Variants in LOXL4 observed in about 807,000 individuals in gnomAD.
LOXL4 encodes the protein lysyl oxidase homolog 4.
Under a neutral mutation model 89.1 loss-of-function variants are expected in LOXL4, and 72 were observed. That is an observed-to-expected ratio of 0.81 (90% CI 0.67 to 0.98). LOXL4 has a LOEUF of 0.98. Among genes scored for constraint, LOXL4 ranks in the 50% least tolerant of loss-of-function variants. The pLI, the probability that LOXL4 is intolerant of heterozygous loss-of-function variation, is 0.00. For missense variants in LOXL4, 984 were observed against 1,017.5 expected, an observed-to-expected ratio of 0.97 and a Z score of 0.45; for synonymous variants, 355 against 392.1, an observed-to-expected ratio of 0.91 and a Z score of 1.12.
chr10:98,249,065 C>A, intron 14 of LOXL4, 74 bp from the exon 15 acceptor site: 2 of 1,126,850 alleles, frequency 1.8e-6, no homozygotes, highest in Non-Finnish European at 1.3e-6. Context: ...TTACATAGAT[C>A]CACTCTGCCC....
chr10:98,255,881 A>C, intron 9 of LOXL4, 142 bp from the exon 10 acceptor site: 1 of 916,584 alleles, frequency 1.1e-6, no homozygotes. Context: ...TGAGAACCCG[A>C]ATTCCCTGGG....
rs754196253 is a variant in LOXL4 at position 98,262,932 on chromosome 10, T to C, written c.88A>G (p.Thr30Ala). 2 of 1,613,676 alleles carry C rather than the reference T, an allele frequency of 1.2e-6. No individual in the cohort carries two copies. Among genetic ancestry groups the C allele is most frequent in the East Asian group, 2.2e-5 (1 of 44,864 alleles). Reference protein sequence around the residue: ...PPSRPQSLGTTKLRLVGPESK... With the variant: ...PPSRPQSLGTAKLRLVGPESK... ...TCTGGGCCCACCAGCCGGAGCTTAG[T>C]GGTGCCCAGTGACTGTGGCCTGCTG... Residue 30 changes from threonine to alanine, a missense_variant, in exon 2 of 15, where the codon ACT becomes GCT. Thr to Ala is a moderately conservative substitution (Grantham distance 58). Coordinates refer to ENST00000260702, the MANE Select transcript of LOXL4 (RefSeq NM_032211.7).
At chr10:98,249,054 C>G in intron 14 of LOXL4, 63 bp from the exon 15 acceptor site, 1 of 1,292,736 alleles carries the variant, frequency 7.7e-7, no homozygotes, top group East Asian at 2.3e-5. Flanking sequence ...TCCCTGACAA[C>G]TTACATAGAT....
chr10:98,264,919 G>C (rs185372925), intron 1 of LOXL4, among the ~76,000 whole-genome samples: 64 of 152,350 alleles, frequency 4.2e-4, no homozygotes, highest in Non-Finnish European at 8.4e-4. Context: ...GGCTCTCACA[G>C]GCCCCTGCCA....
chr10:98,257,655 T>C lies in LOXL4; in HGVS notation c.1255A>G (p.Asn419Asp). The C allele has an allele frequency of 6.2e-7, 1 of 1,613,310 alleles. No homozygotes were observed. The highest frequency in any genetic ancestry group is 8.5e-7 in the Non-Finnish European group (1 of 1,179,626). The change falls in exon 8 of 15, where the codon AAT becomes GAT. Residue 419 changes from asparagine (N) to aspartate (D), a missense_variant. Asn to Asp is a conservative substitution (Grantham distance 23). Transcript: ENST00000260702. Reference protein sequence around the residue: ...RCNVPNMGFQNQVRLAGGRIP... With the variant: ...RCNVPNMGFQDQVRLAGGRIP... Reference sequence around the variant, plus strand: ...ATGCTCAGACCCAAACTCACCTGATTCTGAAAGCCCATGTTAGGGACATTG... The same window carrying C: ...ATGCTCAGACCCAAACTCACCTGATCCTGAAAGCCCATGTTAGGGACATTG...
intron 1 of LOXL4, among the ~76,000 whole-genome samples, chr10:98,263,713 C>G (rs1351898190): frequency 6.6e-6 from 1 of 150,508 alleles, no homozygotes; most frequent in South Asian, 2.1e-4. Flanking sequence ...CTCTTTCTTT[C>G]TTTTTTCTTT....
At position 98,253,581 on chromosome 10, in the gene LOXL4, C is replaced by G; in HGVS notation, c.1807G>C (p.Asp603His). Reference sequence around the variant, plus strand: ...TGGCACTGGTGCCAAACCCAGCTATCGCGTCCAGTCTTTGGACGAAAGTCA... The same window carrying G: ...TGGCACTGGTGCCAAACCCAGCTATGGCGTCCAGTCTTTGGACGAAAGTCA... Reference protein sequence around the residue: ...RTDFRPKTGRDSWVWHQCHRH... With the variant: ...RTDFRPKTGRHSWVWHQCHRH... Residue 603 changes from aspartate (D) to histidine (H), a missense_variant, in exon 11 of 15, where the codon GAT becomes CAT. Asp to His is a moderately conservative substitution (Grantham distance 81). Transcript: ENST00000260702. The G allele has an allele frequency of 6.2e-7, 1 of 1,614,266 alleles. No individual in the cohort carries two copies. Among genetic ancestry groups the G allele is most frequent in the African/African-American group, 1.3e-5 (1 of 75,082 alleles).
intron 11 of LOXL4, among the ~76,000 whole-genome samples, chr10:98,253,181 G>T (rs1024499594): frequency 9.2e-5 from 14 of 152,218 alleles, no homozygotes; most frequent in Non-Finnish European, 1.8e-4. Flanking sequence ...CCCTGGATGG[G>T]ATGTCTATTT....
At chr10:98,253,360 A>G (rs552460106) in intron 11 of LOXL4, among the ~76,000 whole-genome samples, 193 bp downstream of exon 11, 3 of 152,256 alleles carry the variant, frequency 2.0e-5, no homozygotes, top group Non-Finnish European at 4.4e-5. Context: ...CACCATTGAC[A>G]TAGTGAAGGC....
In LOXL4 at chr10:98,256,796, G is replaced by A. The variant is rs1471026210; in HGVS notation, c.1412C>T (p.Ala471Val). 2.5e-6 allele frequency: 4 copies of A among 1,613,958 alleles called. No homozygotes were observed. In the Admixed American group the frequency reaches 5.0e-5, roughly 20 times the overall value. ...GGGACCTACCTTGTAGGCATGGATG[G>A]CAAAACCCAGGCCGAGCTGTCGGCA... ...VACRQLGLGF[A>V]IHAYKETWFW... The change falls in exon 9 of 15, where the codon GCC becomes GTC. Residue 471 changes from alanine to valine, a missense_variant. By Grantham distance (64) the Ala-to-Val change is moderately conservative. Coordinates refer to ENST00000260702, the MANE Select transcript of LOXL4 (RefSeq NM_032211.7).
At chr10:98,266,607 G>A (rs1445985110) in intron 1 of LOXL4, among the ~76,000 whole-genome samples, 2 of 152,118 alleles carry the variant, frequency 1.3e-5, no homozygotes, top group Admixed American at 1.3e-4. Flanking sequence ...GTGGGGGGAC[G>A]GCAGCGGGAA....
chr10:98,254,566 G>A (rs923586058), intron 10 of LOXL4, among the ~76,000 whole-genome samples: 4 of 152,234 alleles, frequency 2.6e-5, no homozygotes, highest in Admixed American at 1.3e-4. Context: ...AGAAGAGAGA[G>A]TAAAGGAAAG....
chr10:98,258,924 C>T, intron 6 of LOXL4, 85 bp downstream of exon 6: 7 of 1,096,574 alleles, frequency 6.4e-6, no homozygotes, highest in Non-Finnish European at 9.1e-6. Flanking sequence ...TCCTGCGTGT[C>T]CTGGACCTCC....
At chr10:98,256,485 C>T (rs1218812235) in intron 9 of LOXL4, 10 of 432,264 alleles carry the variant, frequency 2.3e-5, no homozygotes, top group Admixed American at 2.2e-4. Context: ...CTGAATCAAG[C>T]TTTCTCTGGC....
At chr10:98,250,526 G>C (rs964437673) in intron 14 of LOXL4, among the ~76,000 whole-genome samples, 1 of 151,614 alleles carries the variant, frequency 6.6e-6, no homozygotes, top group Non-Finnish European at 1.5e-5. Flanking sequence ...TGAAGATAGA[G>C]GGAGTCTTTA....
intron 8 of LOXL4, 122 bp downstream of exon 8, chr10:98,257,528 C>T (rs2135834321): frequency 1.6e-6 from 2 of 1,231,702 alleles, no homozygotes; most frequent in South Asian, 3.1e-5. Flanking sequence ...CAGACTGGTG[C>T]CCAAAGCAGA....
chr10:98,250,692 T>C (rs1038370733), intron 14 of LOXL4, among the ~76,000 whole-genome samples: 7 of 152,154 alleles, frequency 4.6e-5, no homozygotes, highest in African/African-American at 1.7e-4. Context: ...AGGACTACTT[T>C]TGCCTGTGAG....
chr10:98,254,454 G>C (rs1457002931), intron 10 of LOXL4, among the ~76,000 whole-genome samples: 1 of 152,214 alleles, frequency 6.6e-6, no homozygotes, highest in Admixed American at 6.5e-5. Context: ...TCTGGCAGTT[G>C]GCCATGTAGG....
At position 98,252,357 on chromosome 10, in the gene LOXL4, G is replaced by A. The variant is rs763502058; in HGVS notation, c.1947C>T (p.Pro649=). The A allele has an allele frequency of 6.2e-7, 1 of 1,610,234 alleles. No individual in the cohort carries two copies. The highest frequency in any genetic ancestry group is 1.1e-5 in the South Asian group (1 of 90,994). Residue 649 remains proline, a synonymous_variant, in exon 12 of 15, where the codon CCC becomes CCT. Transcript: ENST00000260702. Reference sequence around the variant, plus strand: ...TGCTGACAGGAAACCACATACCTGTGGGGCAGTTTGTGTCCTCCAGACAGA... The same window carrying A: ...TGCTGACAGGAAACCACATACCTGTAGGGCAGTTTGTGTCCTCCAGACAGA... The part of the protein sequence containing the change: ...ASFCLEDTNC[P]TGLQRRYACA...
Sources: gnomAD v4.1 joint callset for allele counts (sites outside exome capture counted in the v4.1 genomes callset) on GRCh38, gnomAD v4.1.1 for gene constraint, MANE v1.5 for transcripts, NCBI Gene and HGNC (gene_info 2026-07-23, HGNC 2026-07-21) for gene names.